Variants in ARHGAP15 observed in about 807,000 individuals in gnomAD.
ARHGAP15 encodes the protein rho GTPase-activating protein 15.
In ARHGAP15, 51 loss-of-function variants were observed where a neutral mutation model predicts 63.7. The ratio of observed to expected loss-of-function variants is 0.80; its 90% confidence interval spans 0.64 to 1.01. The LOEUF is 1.01. Among genes scored for constraint, ARHGAP15 ranks in the 50% least tolerant of loss-of-function variants. ARHGAP15 has a pLI of 0.00. For missense variants in ARHGAP15, 560 were observed against 564.6 expected (o/e 0.99, Z 0.08); for synonymous variants, 191 against 193.8 (o/e 0.99, Z 0.12).
At chr2:143,436,814 T>C (rs923080648) in intron 7 of ARHGAP15, 99 bp from the exon 8 acceptor site, 43 of 1,287,908 alleles carry the variant, frequency 3.3e-5, no homozygotes, top group Non-Finnish European at 4.6e-5. Context: ...ATTACCTTAC[T>C]TCAAATTTCC....
intron 6 of ARHGAP15, among the ~76,000 whole-genome samples, chr2:143,401,333 T>G (rs1392458553): frequency 6.6e-6 from 1 of 152,022 alleles, no homozygotes; most frequent in Non-Finnish European, 1.5e-5. Context: ...TTTTGTTAGC[T>G]GCACTTCCAA....
intron 11 of ARHGAP15, among the ~76,000 whole-genome samples, chr2:143,598,569 C>A (rs1199092786): frequency 6.6e-6 from 1 of 152,066 alleles, no homozygotes; most frequent in East Asian, 1.9e-4. Flanking sequence ...TATACCTTAC[C>A]CCTTTACTAT....
At chr2:143,254,330 G>A (rs1680310882) in intron 6 of ARHGAP15, among the ~76,000 whole-genome samples, 1 of 151,902 alleles carries the variant, frequency 6.6e-6, no homozygotes, top group Non-Finnish European at 1.5e-5. Context: ...TCTGTTTCCT[G>A]GCTGGGCATG....
At chr2:143,578,666 A>T (rs1262814296) in intron 11 of ARHGAP15, among the ~76,000 whole-genome samples, 1 of 152,174 alleles carries the variant, frequency 6.6e-6, no homozygotes, top group Non-Finnish European at 1.5e-5. Context: ...AAAACTGTTT[A>T]CTGTTTTTGT....
intron 11 of ARHGAP15, among the ~76,000 whole-genome samples, chr2:143,560,323 C>A (rs1196526502): frequency 6.6e-6 from 1 of 152,166 alleles, no homozygotes. Context: ...ATGTGCCAGG[C>A]ACTGTACTAA....
chr2:143,370,513 A>T (rs1199824543), intron 6 of ARHGAP15, among the ~76,000 whole-genome samples: 1 of 89,972 alleles, frequency 1.1e-5, no homozygotes, highest in Non-Finnish European at 2.2e-5. Context: ...AAAAAGTAGT[A>T]CTATTGTATC....
Position 143,389,137 on chromosome 2 carries a change from T to A in ARHGAP15, c.475-46464T>A, listed in dbSNP as rs140098409. Among the ~76,000 whole-genome samples, 642 of 145,492 alleles carry A rather than the reference T, an allele frequency of 4.4e-3. 5 individuals carry two copies. Among genetic ancestry groups the A allele is most frequent in the East Asian group, 0.012 (53 of 4,442 alleles). Reference sequence around the variant, plus strand: ...TATTATTATTATTATTATTATTATTTTTTATTATTATTATTTTACAAATTG... The same window carrying A: ...TATTATTATTATTATTATTATTATTATTTATTATTATTATTTTACAAATTG... On this transcript the variant is annotated intron_variant, in intron 6 of 13. Coordinates refer to ENST00000295095, the MANE Select transcript of ARHGAP15 (RefSeq NM_018460.4).
chr2:143,678,015 C>T (rs1682912970), intron 12 of ARHGAP15, among the ~76,000 whole-genome samples: 1 of 152,154 alleles, frequency 6.6e-6, no homozygotes, highest in Admixed American at 6.6e-5. Context: ...CAAGACCAGC[C>T]TGGGCCACAT....
intron 11 of ARHGAP15, among the ~76,000 whole-genome samples, chr2:143,582,176 A>G (rs1696932281): frequency 1.3e-5 from 2 of 152,300 alleles, no homozygotes; most frequent in South Asian, 4.1e-4. Flanking sequence ...ATGGCCAGTA[A>G]GAGGCATGAT....
intron 6 of ARHGAP15, among the ~76,000 whole-genome samples, chr2:143,353,530 AT>A (rs1291765598): frequency 3.9e-5 from 6 of 151,902 alleles, no homozygotes; most frequent in Non-Finnish European, 2.9e-5. Flanking sequence ...TTTATTTTTA[AT>A]TTTTTTTAGA....
chr2:143,166,031 CAAAG>C (rs1690509952), intron 2 of ARHGAP15, among the ~76,000 whole-genome samples: 2 of 111,680 alleles, frequency 1.8e-5, no homozygotes, highest in Non-Finnish European at 3.8e-5. Flanking sequence ...AGAAAGAAAA[CAAAG>C]GAAGAAAAAG....
At chr2:143,439,305 C>G (rs1689758810) in intron 8 of ARHGAP15, among the ~76,000 whole-genome samples, 1 of 151,362 alleles carries the variant, frequency 6.6e-6, no homozygotes, top group Non-Finnish European at 1.5e-5. Flanking sequence ...CACCTGTAAT[C>G]CCAGCTACTC....
intron 8 of ARHGAP15, chr2:143,480,939 T>G (rs1692050463): frequency 6.6e-6 from 1 of 152,198 alleles, no homozygotes; most frequent in Non-Finnish European, 1.5e-5. Flanking sequence ...TGCTCTTATT[T>G]ATGTAATTTG....
intron 9 of ARHGAP15, among the ~76,000 whole-genome samples, chr2:143,513,352 C>T (rs889206090): frequency 3.3e-5 from 5 of 152,162 alleles, no homozygotes; most frequent in Non-Finnish European, 7.4e-5. Flanking sequence ...CACCCAGCTC[C>T]GTGGCAATAA....
At position 143,435,620 on chromosome 2, in the gene ARHGAP15, A is replaced by G; in HGVS notation, c.494A>G (p.Asn165Ser). The change falls in exon 7 of 14, where the codon AAT (asparagine) becomes AGT (serine). Residue 165 changes from asparagine to serine, a missense_variant. By Grantham distance (46) the Asn-to-Ser change is conservative. Transcript: ENST00000295095. ...TTGCAGATCACAACAGTATCAGGAAATGAGTTCCTTCTACAGTCAGATATT... is the reference window on the plus strand; with the variant it reads ...TTGCAGATCACAACAGTATCAGGAAGTGAGTTCCTTCTACAGTCAGATATT... Reference protein sequence around the residue: ...NVFQITTVSGNEFLLQSDIDF... With the variant: ...NVFQITTVSGSEFLLQSDIDF... The G allele has an allele frequency of 6.3e-7, 1 of 1,593,090 alleles. No individual in the cohort carries two copies.
intron 12 of ARHGAP15, among the ~76,000 whole-genome samples, chr2:143,690,075 C>T (rs1429691101): frequency 1.3e-5 from 2 of 152,192 alleles, no homozygotes; most frequent in Non-Finnish European, 2.9e-5. Flanking sequence ...GGCTTTGATT[C>T]TAAAAATCAG....
intron 12 of ARHGAP15, among the ~76,000 whole-genome samples, chr2:143,658,216 A>G (rs1184218505): frequency 6.6e-6 from 1 of 152,200 alleles, no homozygotes; most frequent in African/African-American, 2.4e-5. Flanking sequence ...TATGTGCATT[A>G]TCTTGTTTAC....
intron 6 of ARHGAP15, among the ~76,000 whole-genome samples, chr2:143,402,982 A>G (rs1178224145): frequency 6.6e-6 from 1 of 151,892 alleles, no homozygotes; most frequent in Non-Finnish European, 1.5e-5. Flanking sequence ...TTCAAATATT[A>G]AAACCTAGTT....
intron 12 of ARHGAP15, among the ~76,000 whole-genome samples, chr2:143,668,208 A>T (rs1236035359): frequency 6.6e-6 from 1 of 151,380 alleles, no homozygotes; most frequent in Non-Finnish European, 1.5e-5. Context: ...ATTTATCTGG[A>T]TCTTGACAAT....
Sources: allele counts gnomAD v4.1 joint callset (sites outside exome capture counted in the v4.1 genomes callset), GRCh38; gene constraint gnomAD v4.1.1; transcripts MANE v1.5; gene names NCBI Gene and HGNC (gene_info 2026-07-23, HGNC 2026-07-21).